The following SDC2 variants were observed in gnomAD, a reference collection of about 807,000 sequenced individuals.
The protein encoded by SDC2 is syndecan 2.
A neutral mutation model predicts 22.2 loss-of-function variants in SDC2; 13 were observed. That is an observed-to-expected ratio of 0.59 (90% CI 0.38 to 0.93). SDC2 has a LOEUF of 0.93. Ranked by LOEUF, SDC2 falls within the 40% of genes least tolerant of loss-of-function variation. SDC2 has a pLI of 0.00. For synonymous variants in SDC2, 94 were observed against 92.8 expected, an observed-to-expected ratio of 1.01 and a Z score of -0.07; for missense variants, 235 against 246.8, an observed-to-expected ratio of 0.95 and a Z score of 0.32.
intron 2 of SDC2, among the ~76,000 whole-genome samples, chr8:96,598,419 C>T (rs541641306): frequency 6.6e-5 from 10 of 152,030 alleles, no homozygotes; most frequent in Non-Finnish European, 1.0e-4. Context: ...GTCAGGAGTT[C>T]GAGAACAGCC....
intron 1 of SDC2, among the ~76,000 whole-genome samples, chr8:96,511,252 T>C (rs1034285407): frequency 3.3e-5 from 5 of 152,188 alleles, no homozygotes; most frequent in African/African-American, 1.2e-4. Context: ...AGTATTTTTG[T>C]TTCTTAAGCT....
At chr8:96,521,400 C>G (rs1283647849) in intron 1 of SDC2, among the ~76,000 whole-genome samples, 2 of 152,158 alleles carry the variant, frequency 1.3e-5, no homozygotes, top group African/African-American at 4.8e-5. Context: ...GGAGGGAAAG[C>G]TCGGATCTAG....
chr8:96,495,606 G>GTCTTT (rs1375588134), intron 1 of SDC2, among the ~76,000 whole-genome samples: 1 of 152,144 alleles, frequency 6.6e-6, no homozygotes, highest in Non-Finnish European at 1.5e-5. Context: ...TAATTGAATG[G>GTCTTT]TCTTTTCAAA....
rs138543611 is a variant in SDC2, at chr8:96,568,859, C to G, written c.61-24621C>G. 3.2e-3 allele frequency among the ~76,000 whole-genome samples: 488 copies of G among 152,194 alleles called. 2 individuals carry two copies. Among genetic ancestry groups the G allele is most frequent in the Non-Finnish European group, 5.8e-3 (397 of 68,002 alleles). On this transcript the variant is annotated intron_variant, in intron 1 of 4. Coordinates refer to ENST00000302190, the MANE Select transcript of SDC2 (RefSeq NM_002998.4). Reference sequence around the variant, plus strand: ...GAACTGTTCATCTATTTGGGATAGGCAGATGTAACCCAGAGTGCAATGCAG... The same window carrying G: ...GAACTGTTCATCTATTTGGGATAGGGAGATGTAACCCAGAGTGCAATGCAG...
chr8:96,514,812 A>G (rs1352188683), intron 1 of SDC2, among the ~76,000 whole-genome samples: 2 of 152,098 alleles, frequency 1.3e-5, no homozygotes. Context: ...CTGATCTGAC[A>G]GGAGGCGGAG....
At chr8:96,589,085 C>T (rs1041721971) in intron 1 of SDC2, among the ~76,000 whole-genome samples, 6 of 152,182 alleles carry the variant, frequency 3.9e-5, no homozygotes, top group African/African-American at 1.4e-4. Flanking sequence ...AACACTTGTT[C>T]TTGTCATTTT....
intron 1 of SDC2, among the ~76,000 whole-genome samples, chr8:96,576,515 A>G (rs2464475): frequency 0.89 from 83,581 of 93,826 alleles, 38,049 homozygotes; most frequent in Middle Eastern, 0.95. Context: ...CGCCTCCCGG[A>G]TTCATGCCAT....
intron 1 of SDC2, among the ~76,000 whole-genome samples, chr8:96,584,093 T>C (rs1055201969): frequency 7.2e-5 from 11 of 152,198 alleles, no homozygotes; most frequent in African/African-American, 1.9e-4. Flanking sequence ...TTAGTTGGCA[T>C]CTTTTAAATA....
intron 1 of SDC2, among the ~76,000 whole-genome samples, chr8:96,544,559 T>G (rs1409904187): frequency 6.6e-6 from 1 of 152,204 alleles, no homozygotes; most frequent in Non-Finnish European, 1.5e-5. Flanking sequence ...GAATTTCTCT[T>G]CTGGCCCTTA....
chr8:96,548,574 T>C (rs1219130631), intron 1 of SDC2, among the ~76,000 whole-genome samples: 1 of 152,266 alleles, frequency 6.6e-6, no homozygotes, highest in Non-Finnish European at 1.5e-5. Context: ...TTCTCTAATC[T>C]GCAGACAGGA....
Position 96,567,207 on chromosome 8 carries a change from T to C in SDC2, c.61-26273T>C, listed in dbSNP as rs559144886. On this transcript the variant is annotated intron_variant, in intron 1 of 4. Coordinates refer to ENST00000302190, the MANE Select transcript of SDC2 (RefSeq NM_002998.4). Reference sequence around the variant, plus strand: ...GTGATAGTTTATTAGTAAGCGTTCATGCCAATAACAGTTTCTGTTCAAATG... The same window carrying C: ...GTGATAGTTTATTAGTAAGCGTTCACGCCAATAACAGTTTCTGTTCAAATG... 3.3e-5 allele frequency among the ~76,000 whole-genome samples: 5 copies of C among 152,344 alleles called. No individual in the cohort carries two copies. The South Asian group carries it at 8.3e-4, about 25-fold the overall frequency.
chr8:96,602,757 G>T (rs1311785303), intron 3 of SDC2, among the ~76,000 whole-genome samples: 2 of 152,106 alleles, frequency 1.3e-5, no homozygotes, highest in African/African-American at 4.8e-5. Flanking sequence ...GATCATTTTG[G>T]CATTTACCCA....
At chr8:96,546,387 T>G (rs1813932543) in intron 1 of SDC2, among the ~76,000 whole-genome samples, 1 of 152,186 alleles carries the variant, frequency 6.6e-6, no homozygotes, top group African/African-American at 2.4e-5. Flanking sequence ...ACTTGGCTCA[T>G]TGGGTGGCTG....
chr8:96,514,957 C>T (rs191037998), intron 1 of SDC2, among the ~76,000 whole-genome samples: 119 of 152,270 alleles, frequency 7.8e-4, no homozygotes, highest in Non-Finnish European at 1.5e-3. Flanking sequence ...TTGTCTCCCT[C>T]TTGATTTTTC....
At chr8:96,554,646 A>T (rs958904993) in intron 1 of SDC2, among the ~76,000 whole-genome samples, 8 of 152,194 alleles carry the variant, frequency 5.3e-5, no homozygotes, top group African/African-American at 1.9e-4. Flanking sequence ...TGGCTCAAGG[A>T]TGTTGGGCAC....
chr8:96,606,487 G>A (rs1815082439), intron 3 of SDC2, among the ~76,000 whole-genome samples: 3 of 152,132 alleles, frequency 2.0e-5, no homozygotes, highest in Non-Finnish European at 4.4e-5. Flanking sequence ...CTTAAACTAT[G>A]GAATTGTCTG....
At chr8:96,553,104 T>C (rs1814052927) in intron 1 of SDC2, among the ~76,000 whole-genome samples, 1 of 152,164 alleles carries the variant, frequency 6.6e-6, no homozygotes, top group South Asian at 2.1e-4. Flanking sequence ...TTTTTTACAT[T>C]GAGGGAGAAA....
chr8:96,561,455 A>G (rs1814209182), intron 1 of SDC2, among the ~76,000 whole-genome samples: 1 of 152,212 alleles, frequency 6.6e-6, no homozygotes, highest in Non-Finnish European at 1.5e-5. Flanking sequence ...GAGCGCTTGT[A>G]TAAACAAGCA....
At chr8:96,580,623 C>A in intron 1 of SDC2, 1 of 667,870 alleles carries the variant, frequency 1.5e-6, no homozygotes, top group Non-Finnish European at 1.9e-6. Flanking sequence ...TTGGTCCCAT[C>A]CTCACAGGGC....
Sources: gnomAD v4.1 joint callset for allele counts (sites outside exome capture counted in the v4.1 genomes callset) on GRCh38, gnomAD v4.1.1 for gene constraint, MANE v1.5 for transcripts, NCBI Gene and HGNC (gene_info 2026-07-23, HGNC 2026-07-21) for gene names.